The following TC2N variants were observed in gnomAD, a reference collection of about 807,000 sequenced individuals.
The protein encoded by TC2N is tandem C2 domains nuclear protein.
TC2N carries 51 observed loss-of-function variants against 61.9 expected under a neutral mutation model. That is an observed-to-expected ratio of 0.82 (90% CI 0.66 to 1.04). TC2N has a LOEUF of 1.04. Among genes scored for constraint, TC2N ranks in the 50% least tolerant of loss-of-function variants. The pLI, the probability that TC2N is intolerant of heterozygous loss-of-function variation, is 0.00. For synonymous variants in TC2N, 204 were observed against 192.6 expected, an observed-to-expected ratio of 1.06 and a Z score of -0.49; for missense variants, 556 against 566.7, an observed-to-expected ratio of 0.98 and a Z score of 0.19.
intron 1 of TC2N, among the ~76,000 whole-genome samples, chr14:91,865,720 CTA>C (rs1158938330): frequency 1.3e-5 from 2 of 152,090 alleles, no homozygotes; most frequent in Non-Finnish European, 2.9e-5. Flanking sequence ...AAACACATGT[CTA>C]TAAATTTTCA....
rs1408692178 is a variant in TC2N at position 91,858,150 on chromosome 14, T to G, written c.-57+9112A>C. ...TTGGCTGATTCTTTCTTTCTTCTTC[T>G]TCTTTTTTTTTTTTTTTTTTTTGGT... On this transcript the variant is annotated intron_variant, in intron 1 of 11. Transcript: ENST00000435962. 7.1e-5 allele frequency among the ~76,000 whole-genome samples: 6 copies of G among 84,130 alleles called. No individual in the cohort carries two copies. In the East Asian group the frequency reaches 2.0e-3, roughly 28 times the overall value. The allele number at this position is 84,130 out of a possible 152,430, so 55.2% of individuals were successfully genotyped here.
At chr14:91,833,519 T>TACAC (rs1358997276) in intron 1 of TC2N, among the ~76,000 whole-genome samples, 1 of 152,102 alleles carries the variant, frequency 6.6e-6, no homozygotes, top group South Asian at 2.1e-4. Flanking sequence ...TATAAATACA[T>TACAC]ACACACACAT....
chr14:91,861,743 T>C (rs1393860442), intron 1 of TC2N, among the ~76,000 whole-genome samples: 2 of 151,662 alleles, frequency 1.3e-5, no homozygotes, highest in Non-Finnish European at 2.9e-5. Flanking sequence ...GCCAACATGG[T>C]GAAATCCTAT....
At position 91,792,539 on chromosome 14, in the gene TC2N, G is replaced by T; in HGVS notation, c.875C>A (p.Thr292Lys). The stretch of plus-strand genomic sequence containing the variant: ...TTGAAGTTTAATAGCAAATACAAAC[G>T]TTTCCATAAATTCAATAGCCTTAAA... ...EGSNAIEFMETFVFAIKLQNL... is the reference protein window; with the variant it reads ...EGSNAIEFMEKFVFAIKLQNL... The change falls in exon 9 of 12, where the codon ACG becomes AAG. Residue 292 changes from threonine (T) to lysine (K), a missense_variant. By Grantham distance (78) the Thr-to-Lys change is moderately conservative (BLOSUM62 -1). Coordinates refer to ENST00000435962, the MANE Select transcript of TC2N (RefSeq NM_001128596.3). 1.3e-6 allele frequency: 2 copies of T among 1,549,666 alleles called. No individual in the cohort carries two copies. Among genetic ancestry groups the T allele is most frequent in the Non-Finnish European group, 8.8e-7 (1 of 1,141,176 alleles).
At chr14:91,820,434 C>T (rs1463946916) in intron 1 of TC2N, among the ~76,000 whole-genome samples, 4 of 151,466 alleles carry the variant, frequency 2.6e-5, no homozygotes, top group Non-Finnish European at 4.4e-5. Context: ...GATAAAAATA[C>T]TGAGAATAGA....
Position 91,781,668 on chromosome 14 carries a change from AT to A in TC2N, c.*1431del, listed in dbSNP as rs1436917204. On this transcript the variant is annotated 3_prime_UTR_variant, in exon 12 of 12. Coordinates refer to ENST00000435962, the MANE Select transcript of TC2N (RefSeq NM_001128596.3). The stretch of plus-strand genomic sequence containing the variant: ...CCATGTGAGTACTGACCTATATGTC[AT>A]TTTTTGCAAATCTAAAACAAAAATA... 1 of 152,166 alleles carries A rather than the reference AT, an allele frequency of 6.6e-6. No individual in the cohort carries two copies. The highest frequency in any genetic ancestry group is 2.4e-5 in the African/African-American group (1 of 41,450). The allele number at this position is 152,166 out of a possible 1,614,324, so 9.4% of individuals were successfully genotyped here.
chr14:91,819,257 G>A (rs544713132), intron 1 of TC2N, among the ~76,000 whole-genome samples: 2 of 152,208 alleles, frequency 1.3e-5, no homozygotes, highest in African/African-American at 2.4e-5. Flanking sequence ...TTGAATCTGG[G>A]AGGCAGAGGC....
chr14:91,830,976 C>CA (rs1887743111), intron 1 of TC2N, among the ~76,000 whole-genome samples: 1 of 152,154 alleles, frequency 6.6e-6, no homozygotes, highest in Non-Finnish European at 1.5e-5. Context: ...TGAATGAGCC[C>CA]TGGGCTGACT....
chr14:91,785,118 A>G lies in TC2N; in HGVS notation c.1362+44T>C, dbSNP rs1230299716. 5 of 1,358,686 alleles carry G rather than the reference A, an allele frequency of 3.7e-6. No homozygotes were observed. In the African/African-American group the frequency reaches 7.2e-5, roughly 20 times the overall value. The allele number at this position is 1,358,686 out of a possible 1,614,324, so 84.2% of individuals were successfully genotyped here. The stretch of plus-strand genomic sequence containing the variant: ...TATTCCCTTTGTTAACTGACTGTTT[A>G]AATGCATAGAAAAATATAAGGAAGG... On this transcript the variant is annotated intron_variant, in intron 11 of 11. Coordinates refer to ENST00000435962, the MANE Select transcript of TC2N (RefSeq NM_001128596.3).
At chr14:91,819,562 T>C (rs1417566442) in intron 1 of TC2N, among the ~76,000 whole-genome samples, 1 of 152,180 alleles carries the variant, frequency 6.6e-6, no homozygotes, top group Non-Finnish European at 1.5e-5. Flanking sequence ...TGTTAAATGA[T>C]GTCCTTCAGG....
intron 1 of TC2N, among the ~76,000 whole-genome samples, chr14:91,855,822 A>G (rs1888472245): frequency 6.6e-6 from 1 of 152,216 alleles, no homozygotes; most frequent in Non-Finnish European, 1.5e-5. Flanking sequence ...CCTGTGAACC[A>G]AACGAATTCA....
intron 1 of TC2N, among the ~76,000 whole-genome samples, chr14:91,854,906 T>A (rs1439048248): frequency 6.6e-6 from 1 of 152,208 alleles, no homozygotes; most frequent in African/African-American, 2.4e-5. Flanking sequence ...GATAGCTTTT[T>A]AAACTCACCT....
chr14:91,833,825 C>T lies in TC2N; in HGVS notation c.-56-20000G>A, dbSNP rs79696703. ...ATGAGACTTCCAGTTGCTCCACATCCTCATCAACACTTGGTTGCCAGCCTT... is the reference window on the plus strand; with the variant it reads ...ATGAGACTTCCAGTTGCTCCACATCTTCATCAACACTTGGTTGCCAGCCTT... On this transcript the variant is annotated intron_variant, in intron 1 of 11. Coordinates refer to ENST00000435962, the MANE Select transcript of TC2N (RefSeq NM_001128596.3). Among the ~76,000 whole-genome samples the T allele has an allele frequency of 4.3e-3, 660 of 152,310 alleles. 7 individuals carry two copies. The highest frequency in any genetic ancestry group is 0.015 in the African/African-American group (626 of 41,566).
chr14:91,818,697 C>T (rs1315384163), intron 1 of TC2N, among the ~76,000 whole-genome samples: 1 of 152,040 alleles, frequency 6.6e-6, no homozygotes, highest in Non-Finnish European at 1.5e-5. Flanking sequence ...TAAAAAGACC[C>T]AAATCCAATT....
chr14:91,842,236 C>T (rs1218583624), intron 1 of TC2N, among the ~76,000 whole-genome samples: 3 of 152,120 alleles, frequency 2.0e-5, no homozygotes, highest in Non-Finnish European at 4.4e-5. Context: ...CTGCCCACCT[C>T]GGCCTCTCAA....
chr14:91,837,671 A>G lies in TC2N; in HGVS notation c.-56-23846T>C, dbSNP rs570412183. On this transcript the variant is annotated intron_variant, in intron 1 of 11. Transcript: ENST00000435962. The surrounding 1 kb of genome is among the most constrained non-coding windows in gnomAD (Gnocchi z 4.2). ...GGGAGTAGGGGTAGATCACCAGATC[A>G]CATTAATGTGGGGGAGAGAGACACA... 5.9e-4 allele frequency among the ~76,000 whole-genome samples: 90 copies of G among 152,356 alleles called. No homozygotes were observed. The highest frequency in any genetic ancestry group is 2.0e-3 in the African/African-American group (82 of 41,584).
intron 1 of TC2N, among the ~76,000 whole-genome samples, chr14:91,850,962 A>G (rs1323148594): frequency 3.3e-5 from 5 of 152,184 alleles, no homozygotes; most frequent in African/African-American, 1.2e-4. Flanking sequence ...CTAATGCCTG[A>G]TGAGCTATCA....
chr14:91,793,638 G>A (rs954026376), intron 8 of TC2N, among the ~76,000 whole-genome samples: 1 of 152,068 alleles, frequency 6.6e-6, no homozygotes, highest in African/African-American at 2.4e-5. Context: ...TATTGTAATT[G>A]TTTTGGAGTG....
intron 6 of TC2N, among the ~76,000 whole-genome samples, 163 bp from the exon 7 acceptor site, chr14:91,798,562 TGAA>T (rs1455096546): frequency 6.6e-6 from 1 of 152,018 alleles, no homozygotes; most frequent in Non-Finnish European, 1.5e-5. Context: ...ATATATTTAT[TGAA>T]GCACTAGAGG....
Sources: gnomAD v4.1 joint callset for allele counts (sites outside exome capture counted in the v4.1 genomes callset) on GRCh38, gnomAD v4.1.1 for gene constraint, Gnocchi (gnomAD v3.1) non-coding constraint, MANE v1.5 for transcripts, NCBI Gene and HGNC (gene_info 2026-07-23, HGNC 2026-07-21) for gene names.